SPAG16: variants seen among roughly 807,000 people sequenced by gnomAD.
The protein encoded by SPAG16 is sperm-associated antigen 16 protein.
In SPAG16, 86 loss-of-function variants were observed where a neutral mutation model predicts 80.4. The observed-to-expected ratio is 1.07, with a 90% CI of 0.90 to 1.28. The LOEUF (loss-of-function observed/expected upper bound fraction) is 1.28. SPAG16 is among the 50% of genes most tolerant of loss of function. The probability of loss-of-function intolerance (pLI) is 0.00; values close to 1 mark genes in which losing one functional copy is unlikely to be tolerated. For synonymous variants in SPAG16, 294 were observed against 265.9 expected, an observed-to-expected ratio of 1.11 and a Z score of -1.03; for missense variants, 870 against 765.3, an observed-to-expected ratio of 1.14 and a Z score of -1.61.
chr2:214,018,699 A>G (rs996292899), intron 13 of SPAG16, among the ~76,000 whole-genome samples: 2 of 152,184 alleles, frequency 1.3e-5, no homozygotes, highest in Non-Finnish European at 2.9e-5. Context: ...TGAAGCAGTA[A>G]TGGTACATTT....
chr2:213,792,576 CTTTTTTTTTTTTT>C (rs11372174), intron 10 of SPAG16, among the ~76,000 whole-genome samples: 47 of 78,258 alleles, frequency 6.0e-4, no homozygotes, highest in African/African-American at 2.1e-3. Context: ...AAATGAGTAT[CTTTTTTTTTTTTT>C]TTTTTTTTTT....
chr2:213,718,731 G>A (rs2125386003), intron 10 of SPAG16, among the ~76,000 whole-genome samples: 1 of 152,314 alleles, frequency 6.6e-6, no homozygotes, highest in Admixed American at 6.5e-5. Flanking sequence ...CTTCCCGCGG[G>A]GCAGGGCTCG....
At chr2:214,221,263 A>C (rs889638683) in intron 15 of SPAG16, among the ~76,000 whole-genome samples, 4 of 152,008 alleles carry the variant, frequency 2.6e-5, no homozygotes, top group African/African-American at 9.7e-5. Flanking sequence ...GATCAGAGCC[A>C]ATTACTTTTA....
At chr2:214,103,787 T>C (rs2053218660) in intron 13 of SPAG16, among the ~76,000 whole-genome samples, 1 of 152,038 alleles carries the variant, frequency 6.6e-6, no homozygotes, top group Non-Finnish European at 1.5e-5. Flanking sequence ...CCTCAATTCC[T>C]TATGTAGGGG....
intron 15 of SPAG16, among the ~76,000 whole-genome samples, chr2:214,285,274 G>T (rs1017728159): frequency 6.6e-6 from 1 of 152,044 alleles, no homozygotes; most frequent in Non-Finnish European, 1.5e-5. Flanking sequence ...GCCTTCCTTG[G>T]AAAAGTATCT....
At chr2:213,480,498 G>A (rs116679531) in intron 9 of SPAG16, among the ~76,000 whole-genome samples, 137 of 152,286 alleles carry the variant, frequency 9.0e-4, no homozygotes, top group South Asian at 2.5e-3. Context: ...CATTTACTCA[G>A]AGTAATACCA....
chr2:213,427,782 G>C (rs77121827), intron 9 of SPAG16, among the ~76,000 whole-genome samples: 4,213 of 152,214 alleles, frequency 0.028, 68 homozygotes, highest in Middle Eastern at 0.058. Flanking sequence ...TCTCAAGTCT[G>C]GTTGTCAAAA....
At chr2:213,924,681 C>G (rs2078383998) in intron 11 of SPAG16, among the ~76,000 whole-genome samples, 1 of 152,132 alleles carries the variant, frequency 6.6e-6, no homozygotes, top group African/African-American at 2.4e-5. Context: ...TGTTTACTCT[C>G]AATCTTTGTA....
intron 10 of SPAG16, among the ~76,000 whole-genome samples, chr2:213,812,490 A>G (rs1342212837): frequency 6.6e-6 from 1 of 152,198 alleles, no homozygotes; most frequent in Non-Finnish European, 1.5e-5. Flanking sequence ...TTAAAAAGTG[A>G]TTAGAATTGA....
At chr2:214,290,831 T>TGAGAATG (rs1004522567) in intron 15 of SPAG16, among the ~76,000 whole-genome samples, 1 of 152,222 alleles carries the variant, frequency 6.6e-6, no homozygotes, top group African/African-American at 2.4e-5. Flanking sequence ...TTCCATTTGC[T>TGAGAATG]GATGAGAAGA....
Position 214,351,306 on chromosome 2 carries a change from ATAT to A in SPAG16, c.1721-58830_1721-58828del, listed in dbSNP as rs568623073. On this transcript the variant is annotated intron_variant, in intron 15 of 15. Coordinates refer to ENST00000331683, the MANE Select transcript of SPAG16 (RefSeq NM_024532.5). Reference sequence around the variant, plus strand: ...GTAGCATTGTAGGATCACTTCTGTCATATTATATCCATATATTAAAGTTATCTA... The same window carrying A: ...GTAGCATTGTAGGATCACTTCTGTCATATATCCATATATTAAAGTTATCTA... 9.6e-4 allele frequency among the ~76,000 whole-genome samples: 145 copies of A among 151,736 alleles called. 1 individual carries two copies. The highest frequency in any genetic ancestry group is 1.6e-3 in the Admixed American group (25 of 15,212).
At chr2:214,334,848 A>T (rs1001541959) in intron 15 of SPAG16, among the ~76,000 whole-genome samples, 13 of 152,224 alleles carry the variant, frequency 8.5e-5, no homozygotes, top group African/African-American at 3.1e-4. Flanking sequence ...ACCAGCATTA[A>T]TGGGGTCCTC....
intron 10 of SPAG16, among the ~76,000 whole-genome samples, chr2:213,674,259 C>A (rs74677682): frequency 0.05 from 7,552 of 151,928 alleles, 594 homozygotes; most frequent in African/African-American, 0.17. Flanking sequence ...CAGTTCTCTA[C>A]GACAACATAC....
intron 12 of SPAG16, among the ~76,000 whole-genome samples, chr2:213,961,129 A>C (rs2044395062): frequency 6.6e-6 from 1 of 152,178 alleles, no homozygotes; most frequent in African/African-American, 2.4e-5. Flanking sequence ...CAAAATAGTT[A>C]TATTGGTCAG....
At chr2:214,386,577 A>G (rs188948026) in intron 15 of SPAG16, among the ~76,000 whole-genome samples, 432 of 152,096 alleles carry the variant, frequency 2.8e-3, no homozygotes, top group African/African-American at 9.7e-3. Context: ...AGACTATGAA[A>G]CAGGCCAGGC....
intron 10 of SPAG16, among the ~76,000 whole-genome samples, chr2:213,753,170 G>T (rs1472496680): frequency 6.6e-6 from 1 of 151,978 alleles, no homozygotes; most frequent in East Asian, 1.9e-4. Flanking sequence ...CCGTCACCAC[G>T]CCCGGCTAAT....
At chr2:213,879,385 G>C (rs1016841337) in intron 11 of SPAG16, among the ~76,000 whole-genome samples, 3 of 150,156 alleles carry the variant, frequency 2.0e-5, no homozygotes, top group Admixed American at 6.7e-5. Flanking sequence ...ATATCCATGG[G>C]GGTGTGTGTG....
At chr2:214,276,033 T>C (rs937155399) in intron 15 of SPAG16, among the ~76,000 whole-genome samples, 9 of 152,216 alleles carry the variant, frequency 5.9e-5, no homozygotes, top group Non-Finnish European at 1.2e-4. Flanking sequence ...AATTGATCCC[T>C]TTACCATTAT....
intron 10 of SPAG16, among the ~76,000 whole-genome samples, chr2:213,581,541 T>C (rs1043345311): frequency 3.3e-4 from 50 of 152,188 alleles, no homozygotes; most frequent in African/African-American, 1.2e-3. Flanking sequence ...TAAATGTTCT[T>C]CAGAAAACCA....
Sources: gnomAD v4.1 joint callset for allele counts (sites outside exome capture counted in the v4.1 genomes callset) on GRCh38, gnomAD v4.1.1 for gene constraint, MANE v1.5 for transcripts, NCBI Gene and HGNC (gene_info 2026-07-23, HGNC 2026-07-21) for gene names.